The following ABCC4 variants were observed in gnomAD, a reference collection of about 807,000 sequenced individuals.
ABCC4 encodes ATP binding cassette subfamily C member 4 (PEL blood group).
In ABCC4, 102 loss-of-function variants were observed where a neutral mutation model predicts 168.5. That is an observed-to-expected ratio of 0.61 (90% CI 0.52 to 0.71). The LOEUF is 0.71. Ranked by LOEUF, ABCC4 falls within the 30% of genes least tolerant of loss-of-function variation. The pLI is 0.00. For missense variants in ABCC4, 1,402 were observed against 1,605.8 expected, an observed-to-expected ratio of 0.87 and a Z score of 2.17; for synonymous variants, 617 against 590.7, an observed-to-expected ratio of 1.04 and a Z score of -0.65.
intron 19 of ABCC4, among the ~76,000 whole-genome samples, chr13:95,155,143 C>G (rs2036813742): frequency 6.6e-6 from 1 of 152,120 alleles, no homozygotes. Flanking sequence ...CACTACCACC[C>G]TCCTCCCCTC....
At chr13:95,040,788 G>A (rs1345925591) in intron 29 of ABCC4, among the ~76,000 whole-genome samples, 3 of 151,982 alleles carry the variant, frequency 2.0e-5, no homozygotes, top group Non-Finnish European at 4.4e-5. Flanking sequence ...CTGAGGAAAC[G>A]CTACTAAAAA....
intron 26 of ABCC4, chr13:95,054,020 CCTTTTTTTTTTTTTTTTTTTT>C (rs1452379134): frequency 1.6e-4 from 12 of 73,184 alleles, no homozygotes; most frequent in Non-Finnish European, 2.7e-4. Context: ...AATGGGACAT[CCTTTTTTTTTTTTTTTTTTTT>C]TTTTTTTTTT....
At chr13:95,055,303 C>T (rs1465835667) in intron 26 of ABCC4, among the ~76,000 whole-genome samples, 2 of 152,192 alleles carry the variant, frequency 1.3e-5, no homozygotes, top group African/African-American at 2.4e-5. Context: ...CAGAACATTT[C>T]AGAGTAGAGA....
At chr13:95,166,467 G>T (rs2037275588) in intron 14 of ABCC4, 100 bp from the exon 15 acceptor site, 1 of 1,023,760 alleles carries the variant, frequency 9.8e-7, no homozygotes, top group Non-Finnish European at 1.4e-6. Context: ...CTTAAGTTAT[G>T]ATTATACTTA....
rs2274405 is a variant in ABCC4 at position 95,206,724 on chromosome 13, T to C, written c.969A>G (p.Ser323=). The C allele has an allele frequency of 0.65, 1,054,134 of 1,613,838 alleles. 345,794 individuals are homozygous for C. The highest frequency in any genetic ancestry group is 0.69 in the African/African-American group (51,574 of 74,932). The change falls in exon 8 of 31, where the codon TCA becomes TCG. Residue 323 remains serine (S), a synonymous_variant. Coordinates refer to ENST00000645237, the MANE Select transcript of ABCC4 (RefSeq NM_005845.5). ...SSCLRGMNLA[S]FFSASKIIVF... ...CGATGATTTTGCTTGCACTGAAAAATGAAGCCAAATTCATCCCTCTGAGGC... is the reference window on the plus strand; with the variant it reads ...CGATGATTTTGCTTGCACTGAAAAACGAAGCCAAATTCATCCCTCTGAGGC...
At chr13:95,029,197 TATATATATATATATATAGAGAGAGAGAG>T (rs1566355282) in intron 30 of ABCC4, among the ~76,000 whole-genome samples, 6 of 77,172 alleles carry the variant, frequency 7.8e-5, no homozygotes, top group African/African-American at 3.5e-4. Flanking sequence ...TATATATATA[TATATATATATATATATAGAGAGAGAGAG>T]AGAGAGAGAG....
chr13:95,285,918 G>C (rs72645817), intron 1 of ABCC4, among the ~76,000 whole-genome samples: 8,421 of 152,064 alleles, frequency 0.055, 331 homozygotes, highest in Middle Eastern at 0.088. Flanking sequence ...TGGAATCATT[G>C]CGTGCCTCCA....
intron 19 of ABCC4, among the ~76,000 whole-genome samples, chr13:95,131,457 G>A (rs556397425): frequency 3.3e-5 from 5 of 151,994 alleles, no homozygotes; most frequent in Admixed American, 6.6e-5. Flanking sequence ...GTGAAACCCC[G>A]TCTCTACTAA....
chr13:95,019,871 A>C lies in ABCC4; in HGVS notation c.*1704T>G, dbSNP rs2030995389. On this transcript the variant is annotated 3_prime_UTR_variant, in exon 31 of 31. Coordinates refer to ENST00000645237, the MANE Select transcript of ABCC4 (RefSeq NM_005845.5). The stretch of plus-strand genomic sequence containing the variant: ...ACTATCATTTATTTCAATTGAATTT[A>C]GTTTCATTAAAAAATTCTATGATAA... 6.6e-6 allele frequency: 1 copy of C among 152,242 alleles called. No homozygotes were observed. The highest frequency in any genetic ancestry group is 1.5e-5 in the Non-Finnish European group (1 of 68,044). 9.4% of individuals were successfully genotyped at this position (152,242 alleles called of 1,614,324 possible).
intron 30 of ABCC4, 111 bp downstream of exon 30, chr13:95,034,494 G>T: frequency 7.1e-7 from 1 of 1,400,052 alleles, no homozygotes; most frequent in Non-Finnish European, 9.4e-7. Flanking sequence ...GTCTCTGCAG[G>T]CTTATAATTG....
At chr13:95,196,593 GA>G (rs879899568) in intron 8 of ABCC4, among the ~76,000 whole-genome samples, 19,927 of 38,534 alleles carry the variant, frequency 0.52, 3,970 homozygotes, top group Non-Finnish European at 0.56. Flanking sequence ...AGGAAGGAAG[GA>G]AGGAAGGAAG....
intron 19 of ABCC4, among the ~76,000 whole-genome samples, chr13:95,158,654 A>G (rs1362847026): frequency 2.0e-5 from 3 of 152,068 alleles, no homozygotes; most frequent in Admixed American, 1.3e-4. Flanking sequence ...CTCAAAGAAC[A>G]CTCTGCAATT....
intron 4 of ABCC4, among the ~76,000 whole-genome samples, chr13:95,211,789 C>T (rs192330308): frequency 1.2e-3 from 177 of 152,084 alleles, no homozygotes; most frequent in African/African-American, 3.7e-3. Context: ...AATGAGTTGC[C>T]GCTGGAATAA....
chr13:95,203,586 G>A (rs931889463), intron 8 of ABCC4, among the ~76,000 whole-genome samples: 1 of 152,004 alleles, frequency 6.6e-6, no homozygotes, highest in Non-Finnish European at 1.5e-5. Flanking sequence ...TCTAACTCCT[G>A]ACCTCAAGTG....
intron 26 of ABCC4, 108 bp from the exon 27 acceptor site, chr13:95,053,292 A>T: frequency 1.2e-6 from 1 of 863,258 alleles, no homozygotes; most frequent in South Asian, 1.5e-5. Context: ...AATTCATGAT[A>T]ATAATTATAG....
At chr13:95,047,686 T>C (rs918629040) in intron 27 of ABCC4, among the ~76,000 whole-genome samples, 1 of 152,016 alleles carries the variant, frequency 6.6e-6, no homozygotes, top group Non-Finnish European at 1.5e-5. Context: ...GGTTTCACCA[T>C]ATTGGCCAGG....
In ABCC4 at chr13:95,199,933, G is replaced by A. The variant is rs955262750; in HGVS notation, c.1162-4996C>T. On this transcript the variant is annotated intron_variant, in intron 8 of 30. Coordinates refer to ENST00000645237, the MANE Select transcript of ABCC4 (RefSeq NM_005845.5). Reference sequence around the variant, plus strand: ...CCACTACCACGCACACAATGCTGCAGGCTATTTCTTGAGCCTTCGCAGGAA... The same window carrying A: ...CCACTACCACGCACACAATGCTGCAAGCTATTTCTTGAGCCTTCGCAGGAA... Among the ~76,000 whole-genome samples the A allele has an allele frequency of 2.6e-5, 4 of 152,174 alleles. No homozygotes were observed. The South Asian group carries it at 8.3e-4, about 31-fold the overall frequency.
intron 4 of ABCC4, among the ~76,000 whole-genome samples, chr13:95,229,624 C>A (rs1046865636): frequency 1.3e-5 from 2 of 152,168 alleles, no homozygotes; most frequent in Non-Finnish European, 2.9e-5. Flanking sequence ...GGCCACAGAT[C>A]TTAAGGAAAA....
chr13:95,159,679 C>T (rs894867958), intron 19 of ABCC4, among the ~76,000 whole-genome samples: 2 of 152,218 alleles, frequency 1.3e-5, no homozygotes, highest in African/African-American at 4.8e-5. Context: ...TGTAATAGCG[C>T]AGAGGTCCTC....
Sources: allele counts gnomAD v4.1 joint callset (sites outside exome capture counted in the v4.1 genomes callset), GRCh38; gene constraint gnomAD v4.1.1; transcripts MANE v1.5; gene names NCBI Gene and HGNC (gene_info 2026-07-23, HGNC 2026-07-21).